Variants in DLG2 observed in about 807,000 individuals in gnomAD.
DLG2 encodes the protein discs large MAGUK scaffold protein 2.
Under a neutral mutation model 132.5 loss-of-function variants are expected in DLG2, and 45 were observed. That is an observed-to-expected ratio of 0.34 (90% CI 0.27 to 0.44). DLG2 has a LOEUF of 0.44. Among genes scored for constraint, DLG2 ranks in the 20% least tolerant of loss-of-function variants. The probability of loss-of-function intolerance (pLI) is 1.00; values close to 1 mark genes in which losing one functional copy is unlikely to be tolerated. For synonymous variants in DLG2, 424 were observed against 419.6 expected, an observed-to-expected ratio of 1.01 and a Z score of -0.13; for missense variants, 1,045 against 1,196.9, an observed-to-expected ratio of 0.87 and a Z score of 1.87.
chr11:84,296,347 G>A (rs1159719409), intron 7 of DLG2, among the ~76,000 whole-genome samples: 1 of 152,184 alleles, frequency 6.6e-6, no homozygotes, highest in Non-Finnish European at 1.5e-5. Flanking sequence ...GGATTCCACT[G>A]TAAATGTTCT....
chr11:83,939,481 G>A (rs1400120691), intron 14 of DLG2, among the ~76,000 whole-genome samples: 1 of 152,140 alleles, frequency 6.6e-6, no homozygotes, highest in South Asian at 2.1e-4. Context: ...AAAGAGAAAG[G>A]AAAGTGTGAG....
chr11:85,070,218 G>C (rs1187685095), intron 6 of DLG2, among the ~76,000 whole-genome samples: 1 of 151,548 alleles, frequency 6.6e-6, no homozygotes. Flanking sequence ...CGAGTTAATG[G>C]GTGCAGCACA....
intron 10 of DLG2, among the ~76,000 whole-genome samples, chr11:84,063,985 G>T (rs1477901181): frequency 6.6e-6 from 1 of 151,820 alleles, no homozygotes; most frequent in Non-Finnish European, 1.5e-5. Flanking sequence ...CTGGGGGAGG[G>T]ATAGCATTAG....
chr11:85,291,755 G>A (rs1234298986), intron 3 of DLG2, among the ~76,000 whole-genome samples: 1 of 151,694 alleles, frequency 6.6e-6, no homozygotes, highest in Non-Finnish European at 1.5e-5. Context: ...CAGTTAATTT[G>A]TGTATCTTTA....
At chr11:83,517,311 A>G (rs997544177) in intron 21 of DLG2, among the ~76,000 whole-genome samples, 1 of 152,072 alleles carries the variant, frequency 6.6e-6, no homozygotes, top group Non-Finnish European at 1.5e-5. Flanking sequence ...AGTTGATCGA[A>G]TTGGCTACTG....
intron 3 of DLG2, among the ~76,000 whole-genome samples, chr11:85,591,741 CA>C (rs1327324295): frequency 1.3e-5 from 2 of 152,022 alleles, no homozygotes; most frequent in African/African-American, 4.8e-5. Context: ...GACTTCATCT[CA>C]AAAAAAGAAG....
chr11:84,002,471 A>T (rs181217632), intron 11 of DLG2, among the ~76,000 whole-genome samples: 2 of 152,120 alleles, frequency 1.3e-5, no homozygotes, highest in Non-Finnish European at 2.9e-5. Flanking sequence ...AGGCATTTTC[A>T]TACATCCTCT....
chr11:85,392,081 T>A (rs2086844974), intron 3 of DLG2, among the ~76,000 whole-genome samples: 1 of 152,098 alleles, frequency 6.6e-6, no homozygotes, highest in African/African-American at 2.4e-5. Flanking sequence ...GCAAATAAAT[T>A]AAGCAAAGTT....
At chr11:84,031,985 T>C (rs2095709039) in intron 11 of DLG2, among the ~76,000 whole-genome samples, 1 of 152,108 alleles carries the variant, frequency 6.6e-6, no homozygotes, top group Non-Finnish European at 1.5e-5. Context: ...AGTTTTGGGG[T>C]GCCACAGAAT....
At chr11:84,808,752 A>G (rs1026169600) in intron 6 of DLG2, among the ~76,000 whole-genome samples, 6 of 151,982 alleles carry the variant, frequency 3.9e-5, no homozygotes, top group Non-Finnish European at 5.9e-5. Flanking sequence ...CAAGCAACCC[A>G]ATATGTGATA....
chr11:84,722,808 T>C (rs1009362156), intron 6 of DLG2, among the ~76,000 whole-genome samples: 2 of 152,170 alleles, frequency 1.3e-5, no homozygotes. Context: ...GGTTTTGGGA[T>C]TCTTACACTA....
At chr11:83,654,814 A>G (rs546810213) in intron 18 of DLG2, among the ~76,000 whole-genome samples, 1 of 152,362 alleles carries the variant, frequency 6.6e-6, no homozygotes, top group South Asian at 2.1e-4. Flanking sequence ...GCTAGTAATA[A>G]TTAACATATT....
chr11:83,609,916 G>A (rs1412260844), intron 19 of DLG2, among the ~76,000 whole-genome samples: 4 of 152,168 alleles, frequency 2.6e-5, no homozygotes, highest in Non-Finnish European at 5.9e-5. Flanking sequence ...TCTCTCTGTA[G>A]GACATGTGGT....
intron 6 of DLG2, among the ~76,000 whole-genome samples, chr11:84,874,920 C>T (rs11825651): frequency 0.012 from 1,861 of 150,622 alleles, 45 homozygotes; most frequent in African/African-American, 0.042. Context: ...ACTTGGGAGG[C>T]TGAGGCAGGA....
chr11:84,858,932 C>G (rs905928776), intron 6 of DLG2, among the ~76,000 whole-genome samples: 1 of 151,908 alleles, frequency 6.6e-6, no homozygotes, highest in Non-Finnish European at 1.5e-5. Flanking sequence ...AAGCAGATAA[C>G]CAAGGTCTAA....
In DLG2 at chr11:84,658,007, A is replaced by C. The variant is rs79391463; in HGVS notation, c.358-123276T>G. 1.7e-3 allele frequency among the ~76,000 whole-genome samples: 261 copies of C among 152,282 alleles called. 8 individuals are homozygous for C. In the East Asian group the frequency reaches 0.048, roughly 28 times the overall value. On this transcript the variant is annotated intron_variant, in intron 6 of 27. Coordinates refer to ENST00000376104, the MANE Select transcript of DLG2 (RefSeq NM_001142699.3). Reference sequence around the variant, plus strand: ...GCCTTCTTGGAAGCTTTGGTATAGCAATCTGACTTATTTCTGGACAATGTA... The same window carrying C: ...GCCTTCTTGGAAGCTTTGGTATAGCCATCTGACTTATTTCTGGACAATGTA...
intron 8 of DLG2, among the ~76,000 whole-genome samples, chr11:84,250,453 T>C (rs1381268557): frequency 6.6e-6 from 1 of 152,214 alleles, no homozygotes; most frequent in African/African-American, 2.4e-5. Flanking sequence ...TTTGTTGTTG[T>C]CCATTACCCT....
At chr11:84,383,551 A>G (rs1413747734) in intron 7 of DLG2, among the ~76,000 whole-genome samples, 2 of 152,120 alleles carry the variant, frequency 1.3e-5, no homozygotes, top group Non-Finnish European at 2.9e-5. Context: ...AGAGACTCTC[A>G]TGTTGGCCTT....
At chr11:85,321,406 C>A (rs72950193) in intron 3 of DLG2, among the ~76,000 whole-genome samples, 1 of 151,944 alleles carries the variant, frequency 6.6e-6, no homozygotes, top group Non-Finnish European at 1.5e-5. Context: ...AAACTTATAA[C>A]TAGAGATATA....
Sources: allele counts gnomAD v4.1 joint callset (sites outside exome capture counted in the v4.1 genomes callset), GRCh38; gene constraint gnomAD v4.1.1; transcripts MANE v1.5; gene names NCBI Gene and HGNC (gene_info 2026-07-23, HGNC 2026-07-21).